Variants in ZSCAN2 observed in about 807,000 individuals in gnomAD.
ZSCAN2 encodes the protein zinc finger and SCAN domain-containing protein 2.
ZSCAN2 carries 26 observed loss-of-function variants against 47.8 expected under a neutral mutation model. That is an observed-to-expected ratio of 0.54 (90% confidence interval 0.40 to 0.75). The LOEUF is 0.75. Ranked by LOEUF, ZSCAN2 falls within the 30% of genes least tolerant of loss-of-function variation. ZSCAN2 has a pLI of 0.00. For synonymous variants in ZSCAN2, 305 were observed against 288.7 expected (o/e 1.06, Z -0.57); for missense variants, 732 against 785.4 (o/e 0.93, Z 0.81).
Position 84,622,798 on chromosome 15 carries a change from GTAGA to G in ZSCAN2, c.*760_*763del. 1 of 659,374 alleles carries G rather than the reference GTAGA, an allele frequency of 1.5e-6. No individual in the cohort carries two copies. Among genetic ancestry groups the G allele is most frequent in the Non-Finnish European group, 2.8e-6 (1 of 359,210 alleles). The allele number at this position is 659,374 out of a possible 1,614,324, so 40.8% of individuals were successfully genotyped here. A position where few individuals can be genotyped will look rare whatever the true frequency, so the allele number is the denominator to read the frequency against. ...TTTTGTCTCTGCCTACTGTCCTGTG[GTAGA>G]TCAGCTACCAGGGGAACACATTTGT... On this transcript the variant is annotated 3_prime_UTR_variant, in exon 3 of 3. Coordinates refer to ENST00000546148, the MANE Select transcript of ZSCAN2 (RefSeq NM_181877.4).
chr15:84,621,005 C>T lies in ZSCAN2; in HGVS notation c.810C>T (p.Thr270=). Residue 270 remains threonine, a synonymous_variant, in exon 3 of 3, where the codon ACC becomes ACT. Transcript: ENST00000546148. The surrounding 1 kb of genome is among the most constrained non-coding windows in gnomAD (Gnocchi z 5.7). ...SDGSNFSRHQ[T]THTGEKPYKC... is the part of the protein sequence containing the mutation. Reference sequence around the variant, plus strand: ...GTTCAAATTTTAGTAGACACCAAACCACTCACACCGGGGAGAAGCCCTACA... The same window carrying T: ...GTTCAAATTTTAGTAGACACCAAACTACTCACACCGGGGAGAAGCCCTACA... 6.2e-7 allele frequency: 1 copy of T among 1,613,822 alleles called. No individual in the cohort carries two copies. Among genetic ancestry groups the T allele is most frequent in the South Asian group, 1.1e-5 (1 of 91,058 alleles).
chr15:84,614,109 G>A (rs1192576813), intron 2 of ZSCAN2, among the ~76,000 whole-genome samples: 6 of 146,914 alleles, frequency 4.1e-5, no homozygotes, highest in Non-Finnish European at 5.9e-5. Flanking sequence ...TCCCACCTCA[G>A]GTTCCTGAGT....
In ZSCAN2 at chr15:84,615,275, T is replaced by A. The variant is rs1163978069; in HGVS notation, c.407-5327T>A. 3.3e-5 allele frequency among the ~76,000 whole-genome samples: 5 copies of A among 152,228 alleles called. No individual in the cohort carries two copies. In the East Asian group the frequency reaches 9.7e-4, roughly 29 times the overall value. On this transcript the variant is annotated intron_variant, in intron 2 of 2. Transcript: ENST00000546148. ...GGCCTTTAAGTACTAGTTCTATTGC[T>A]TTGTTTTTTTGAGAACTCCAGTTAT...
At chr15:84,606,415 A>T in intron 2 of ZSCAN2, 1 of 814,020 alleles carries the variant, frequency 1.2e-6, no homozygotes, top group Non-Finnish European at 2.1e-6. Context: ...CTCTTTCTGC[A>T]TGGAGATCTC....
In ZSCAN2 at chr15:84,622,541, G is replaced by A; in HGVS notation, c.*501G>A. ...CACCCCAAGCTGTCAGTTAGAATCT[G>A]CTCTTCTGGCTTTGGTGTCTTGGGC... On this transcript the variant is annotated 3_prime_UTR_variant, in exon 3 of 3. Transcript: ENST00000546148. The A allele has an allele frequency of 1.4e-6, 1 of 705,264 alleles. No homozygotes were observed. Among genetic ancestry groups the A allele is most frequent in the South Asian group, 1.5e-5 (1 of 65,876 alleles). The allele number at this position is 705,264 out of a possible 1,614,324, so 43.7% of individuals were successfully genotyped here.
At chr15:84,611,292 T>A (rs1333696072) in intron 2 of ZSCAN2, among the ~76,000 whole-genome samples, 2 of 148,378 alleles carry the variant, frequency 1.3e-5, no homozygotes, top group African/African-American at 5.0e-5. Flanking sequence ...AAAAAAAAAA[T>A]TTTTTTCTTT....
Position 84,623,340 on chromosome 15 carries a change from C to A in ZSCAN2, c.*1300C>A. ...ATCTCCTGTCCTCGTGATCTGCCCGCCTTGGCCTCCCGAAGTGCTGGGATT... is the reference window on the plus strand; with the variant it reads ...ATCTCCTGTCCTCGTGATCTGCCCGACTTGGCCTCCCGAAGTGCTGGGATT... On this transcript the variant is annotated 3_prime_UTR_variant, in exon 3 of 3. Transcript: ENST00000546148. 1 of 203,924 alleles carries A rather than the reference C, an allele frequency of 4.9e-6. No individual in the cohort carries two copies. The highest frequency in any genetic ancestry group is 1.9e-4 in the East Asian group (1 of 5,314). The allele number at this position is 203,924 out of a possible 1,614,324, so 12.6% of individuals were successfully genotyped here.
At chr15:84,618,156 A>T (rs1318886138) in intron 2 of ZSCAN2, among the ~76,000 whole-genome samples, 1 of 152,074 alleles carries the variant, frequency 6.6e-6, no homozygotes, top group Non-Finnish European at 1.5e-5. Flanking sequence ...GATAGCTCAC[A>T]CCTGTAATCC....
intron 2 of ZSCAN2, among the ~76,000 whole-genome samples, chr15:84,606,070 G>A (rs1024768227): frequency 9.2e-5 from 14 of 152,240 alleles, no homozygotes; most frequent in African/African-American, 3.1e-4. Flanking sequence ...GGTGTTGGAA[G>A]TTGGGGATGC....
At chr15:84,619,092 G>C (rs1313810084) in intron 2 of ZSCAN2, among the ~76,000 whole-genome samples, 1 of 152,100 alleles carries the variant, frequency 6.6e-6, no homozygotes, top group Admixed American at 6.6e-5. Context: ...AAATATTTGG[G>C]CACTGGAAGG....
chr15:84,603,986 C>G lies in ZSCAN2; in HGVS notation c.59C>G (p.Pro20Arg). 2 of 1,613,960 alleles carry G rather than the reference C, an allele frequency of 1.2e-6. No individual in the cohort carries two copies. Among genetic ancestry groups the G allele is most frequent in the Non-Finnish European group, 1.7e-6 (2 of 1,180,006 alleles). ...CCGCTGAGCTCCTTGGTCCAGGTGC[C>G]TCAAGAGGAAGATAGACAGGAGGAG... Reference protein sequence around the residue: ...TTPLSSLVQVPQEEDRQEEEV... With the variant: ...TTPLSSLVQVRQEEDRQEEEV... Residue 20 changes from proline (P) to arginine (R), a missense_variant, in exon 2 of 3, where the codon CCT (proline) becomes CGT (arginine). Transcript: ENST00000546148.
intron 2 of ZSCAN2, among the ~76,000 whole-genome samples, chr15:84,617,423 G>C (rs1895719977): frequency 6.6e-6 from 1 of 151,764 alleles, no homozygotes; most frequent in Admixed American, 6.6e-5. Context: ...GTGACAGAGT[G>C]AGACTCCAAA....
rs1432253369 is a variant in ZSCAN2 at position 84,621,594 on chromosome 15, A to G, written c.1399A>G (p.Met467Val). Residue 467 changes from methionine (M) to valine (V), a missense_variant, in exon 3 of 3, where the codon ATG (methionine) becomes GTG (valine). Physicochemically the swap from Met to Val is conservative, Grantham distance 21. This residue lies in a region of ZSCAN2 where 412 missense variants were observed against 498.0 expected (regional missense o/e 0.83). Transcript: ENST00000546148. The surrounding 1 kb of genome is among the most constrained non-coding windows in gnomAD (Gnocchi z 5.7). The stretch of plus-strand genomic sequence containing the variant: ...CTCCAGTCTGATTGCACACCAGGGC[A>G]TGCACACAGGGGAGAAACCCTACGA... ...QSSSLIAHQG[M>V]HTGEKPYECL... 34 of 1,614,020 alleles carry G rather than the reference A, an allele frequency of 2.1e-5. No homozygotes were observed. The highest frequency in any genetic ancestry group is 2.0e-5 in the Non-Finnish European group (24 of 1,180,034).
intron 2 of ZSCAN2, among the ~76,000 whole-genome samples, chr15:84,612,543 G>A (rs990515902): frequency 1.3e-5 from 2 of 152,126 alleles, no homozygotes; most frequent in African/African-American, 4.8e-5. Flanking sequence ...GACTATCCTG[G>A]CTAACACGGT....
rs375009049 is a variant in ZSCAN2 at position 84,621,206 on chromosome 15, C to T, written c.1011C>T (p.Pro337=). The T allele has an allele frequency of 1.5e-5, 25 of 1,613,854 alleles. No individual in the cohort carries two copies. Among genetic ancestry groups the T allele is most frequent in the African/African-American group, 5.3e-5 (4 of 74,842 alleles). ...THTGEKPYSC[P]ECGKSFGNRS... ...CAGGAGAGAAACCCTACTCGTGCCCCGAGTGTGGAAAGAGCTTTGGCAACC... is the reference window on the plus strand; with the variant it reads ...CAGGAGAGAAACCCTACTCGTGCCCTGAGTGTGGAAAGAGCTTTGGCAACC... The change falls in exon 3 of 3, where the codon CCC becomes CCT. Residue 337 remains proline, a synonymous_variant. Coordinates refer to ENST00000546148, the MANE Select transcript of ZSCAN2 (RefSeq NM_181877.4). This position sits in a 1 kb window ranked among gnomAD's most constrained non-coding sequence, Gnocchi z 5.7.
At chr15:84,615,425 G>T (rs72630460) in intron 2 of ZSCAN2, among the ~76,000 whole-genome samples, 19,602 of 152,216 alleles carry the variant, frequency 0.13, 1,632 homozygotes, top group East Asian at 0.37. Flanking sequence ...CTGCCTCCTG[G>T]CCTCAAGCAA....
chr15:84,605,522 G>C (rs1182233972), intron 2 of ZSCAN2, among the ~76,000 whole-genome samples: 1 of 152,176 alleles, frequency 6.6e-6, no homozygotes, highest in East Asian at 1.9e-4. Context: ...TTATACCTTT[G>C]GGTGACAGGA....
chr15:84,604,778 C>T (rs1895328958), intron 2 of ZSCAN2, among the ~76,000 whole-genome samples: 1 of 145,640 alleles, frequency 6.9e-6, no homozygotes, highest in Admixed American at 6.9e-5. Context: ...CGCTCTGTCA[C>T]CCAGGCTGGG....
At position 84,621,099 on chromosome 15, in the gene ZSCAN2, G is replaced by C. The variant is rs1417201162; in HGVS notation, c.904G>C (p.Gly302Arg). The C allele has an allele frequency of 6.2e-7, 1 of 1,614,030 alleles. No individual in the cohort carries two copies. The highest frequency in any genetic ancestry group is 8.5e-7 in the Non-Finnish European group (1 of 1,179,984). The change falls in exon 3 of 3, where the codon GGG becomes CGG. Residue 302 changes from glycine (G) to arginine (R), a missense_variant. Physicochemically the swap from Gly to Arg is moderately radical, Grantham distance 125 (BLOSUM62 -2). This residue lies in a region of ZSCAN2 where 412 missense variants were observed against 498.0 expected (regional missense o/e 0.83). Transcript: ENST00000546148. This position sits in a 1 kb window ranked among gnomAD's most constrained non-coding sequence, Gnocchi z 5.7. Reference protein sequence around the residue: ...NLITHQRIHTGEKPFQCAECG... With the variant: ...NLITHQRIHTREKPFQCAECG... ...CATAACCCACCAGAGGATCCACACG[G>C]GGGAAAAGCCCTTCCAGTGTGCCGA...
Sources: allele counts gnomAD v4.1 joint callset (sites outside exome capture counted in the v4.1 genomes callset), GRCh38; gene constraint gnomAD v4.1.1; regional missense constraint gnomAD v4.1.1; non-coding constraint Gnocchi (gnomAD v3.1); transcripts MANE v1.5; gene names NCBI Gene and HGNC (gene_info 2026-07-23, HGNC 2026-07-21).